LRBA: variants seen among roughly 807,000 people sequenced by gnomAD.
LRBA encodes LPS responsive beige-like anchor protein, also known as lipopolysaccharide-responsive and beige-like anchor protein.
LRBA carries 176 observed loss-of-function variants against 330.0 expected under a neutral mutation model. That is an observed-to-expected ratio of 0.53 (90% confidence interval 0.47 to 0.60). The LOEUF is 0.60. LRBA is among the 20% of genes least tolerant of loss of function. The probability of loss-of-function intolerance (pLI) is 0.00; values close to 1 mark genes in which losing one functional copy is unlikely to be tolerated. For synonymous variants in LRBA, 1,230 were observed against 1,193.0 expected, an observed-to-expected ratio of 1.03 and a Z score of -0.64; for missense variants, 3,259 against 3,444.8, an observed-to-expected ratio of 0.95 and a Z score of 1.35.
intron 4 of LRBA, among the ~76,000 whole-genome samples, chr4:150,925,183 A>AG (rs1442722052): frequency 2.6e-5 from 4 of 151,324 alleles, no homozygotes; most frequent in Non-Finnish European, 5.9e-5. Flanking sequence ...AAAAAAGAAA[A>AG]GAAAAAAAGG....
chr4:150,364,586 T>C (rs1294403192), intron 47 of LRBA, among the ~76,000 whole-genome samples: 1 of 152,224 alleles, frequency 6.6e-6, no homozygotes, highest in Non-Finnish European at 1.5e-5. Context: ...TTCACATATA[T>C]CATTTAGAAA....
chr4:150,635,341 C>T (rs1251437240), intron 37 of LRBA, among the ~76,000 whole-genome samples: 1 of 152,192 alleles, frequency 6.6e-6, no homozygotes. Context: ...TGTTTAATAA[C>T]ATTTCCATTT....
chr4:150,792,893 C>G (rs1169300867), intron 34 of LRBA, among the ~76,000 whole-genome samples: 2 of 152,020 alleles, frequency 1.3e-5, no homozygotes, highest in Non-Finnish European at 2.9e-5. Flanking sequence ...CCAGCCTGGC[C>G]AACATGGTGA....
intron 35 of LRBA, among the ~76,000 whole-genome samples, chr4:150,742,300 C>T (rs1237186654): frequency 1.3e-5 from 2 of 151,858 alleles, no homozygotes; most frequent in Non-Finnish European, 2.9e-5. Context: ...CATGTGCCAT[C>T]GTACCCTGTA....
chr4:150,822,397 A>T (rs1745571345), intron 30 of LRBA, among the ~76,000 whole-genome samples: 1 of 152,244 alleles, frequency 6.6e-6, no homozygotes, highest in Admixed American at 6.5e-5. Context: ...ATATTAACAT[A>T]TATTAAATTT....
chr4:150,888,690 C>G (rs1258276412), intron 17 of LRBA, among the ~76,000 whole-genome samples: 2 of 151,170 alleles, frequency 1.3e-5, no homozygotes, highest in East Asian at 3.9e-4. Context: ...TTTTAAAATT[C>G]AAATAAAAAC....
chr4:150,986,516 T>C (rs1023275268), intron 2 of LRBA, among the ~76,000 whole-genome samples: 1 of 152,178 alleles, frequency 6.6e-6, no homozygotes, highest in African/African-American at 2.4e-5. Context: ...TGAAACAGAA[T>C]GTAGACAAAT....
intron 8 of LRBA, 64 bp from the exon 9 acceptor site, chr4:150,914,405 C>G (rs1286661855): frequency 8.8e-7 from 1 of 1,134,536 alleles, no homozygotes. Context: ...ATAATAAAAA[C>G]CTATATTATC....
intron 33 of LRBA, among the ~76,000 whole-genome samples, chr4:150,803,679 A>C (rs1333387013): frequency 6.6e-6 from 1 of 152,162 alleles, no homozygotes; most frequent in African/African-American, 2.4e-5. Flanking sequence ...AGTACATGAA[A>C]CCACAATCCA....
chr4:150,880,459 G>C (rs1728238348), intron 17 of LRBA, among the ~76,000 whole-genome samples: 1 of 150,716 alleles, frequency 6.6e-6, no homozygotes, highest in Admixed American at 6.6e-5. Context: ...GGCAGAGGCT[G>C]TAGTGAGCTG....
At chr4:150,445,215 C>T (rs1181646332) in intron 44 of LRBA, among the ~76,000 whole-genome samples, 1 of 151,848 alleles carries the variant, frequency 6.6e-6, no homozygotes, top group Non-Finnish European at 1.5e-5. Context: ...CAACATTCTG[C>T]TAGCTTCTAT....
At chr4:150,578,491 C>T (rs1378222947) in intron 40 of LRBA, among the ~76,000 whole-genome samples, 1 of 151,862 alleles carries the variant, frequency 6.6e-6, no homozygotes, top group East Asian at 1.9e-4. Flanking sequence ...TAGGAAATTC[C>T]ATTAATAATT....
At chr4:150,966,039 G>A (rs570771060) in intron 2 of LRBA, among the ~76,000 whole-genome samples, 1 of 152,260 alleles carries the variant, frequency 6.6e-6, no homozygotes, top group East Asian at 1.9e-4. Flanking sequence ...GGTACTGGAT[G>A]AGATACCCCA....
chr4:150,685,978 GA>G (rs1325332764), intron 36 of LRBA, among the ~76,000 whole-genome samples: 1 of 152,108 alleles, frequency 6.6e-6, no homozygotes, highest in Non-Finnish European at 1.5e-5. Context: ...AATGAGTATA[GA>G]AAAAAGTCAC....
chr4:150,928,313 T>C (rs1255223941), intron 4 of LRBA, among the ~76,000 whole-genome samples: 1 of 152,220 alleles, frequency 6.6e-6, no homozygotes, highest in Non-Finnish European at 1.5e-5. Flanking sequence ...AATTACCAGT[T>C]TGCCTGAAAC....
chr4:150,766,440 G>A (rs1377069020), intron 34 of LRBA, among the ~76,000 whole-genome samples: 1 of 152,004 alleles, frequency 6.6e-6, no homozygotes, highest in Non-Finnish European at 1.5e-5. Flanking sequence ...GTTAGTCAAA[G>A]CCAACAAGTT....
chr4:150,590,417 T>G (rs1772670733), intron 39 of LRBA, among the ~76,000 whole-genome samples: 1 of 151,572 alleles, frequency 6.6e-6, no homozygotes. Context: ...TTTACAGAGA[T>G]TTGGTAACTC....
At chr4:150,380,026 A>G (rs1480256281) in intron 47 of LRBA, among the ~76,000 whole-genome samples, 1 of 124,934 alleles carries the variant, frequency 8.0e-6, no homozygotes, top group African/African-American at 2.9e-5. Flanking sequence ...AAAAAAAAAA[A>G]AAATTAGCCA....
intron 13 of LRBA, among the ~76,000 whole-genome samples, chr4:150,901,132 T>C (rs1329188332): frequency 6.6e-6 from 1 of 151,860 alleles, no homozygotes; most frequent in Non-Finnish European, 1.5e-5. Flanking sequence ...ACTTCGTCTC[T>C]ACCAAAAAAT....
Sources: gnomAD v4.1 joint callset for allele counts (sites outside exome capture counted in the v4.1 genomes callset) on GRCh38, gnomAD v4.1.1 for gene constraint, MANE v1.5 for transcripts, NCBI Gene and HGNC (gene_info 2026-07-23, HGNC 2026-07-21) for gene names.